GULP1: variants seen among roughly 807,000 people sequenced by gnomAD.
GULP1 encodes GULP PTB domain containing engulfment adaptor 1.
A neutral mutation model predicts 40.9 loss-of-function variants in GULP1; 19 were observed. The observed-to-expected ratio is 0.46, with a 90% CI of 0.32 to 0.68. GULP1 has a LOEUF of 0.68. Ranked by LOEUF, GULP1 falls within the 30% of genes least tolerant of loss-of-function variation. GULP1 has a pLI of 0.03. For missense variants in GULP1, 312 were observed against 362.2 expected (o/e 0.86, Z 1.12); for synonymous variants, 119 against 117.6 (o/e 1.01, Z -0.08).
chr2:188,536,781 A>C (rs1689050528), intron 6 of GULP1, among the ~76,000 whole-genome samples: 1 of 152,144 alleles, frequency 6.6e-6, no homozygotes, highest in Non-Finnish European at 1.5e-5. Flanking sequence ...CAATATGGTC[A>C]TTTTAACAGT....
chr2:188,424,263 A>G (rs1468137701), intron 2 of GULP1, among the ~76,000 whole-genome samples: 1 of 151,886 alleles, frequency 6.6e-6, no homozygotes, highest in Non-Finnish European at 1.5e-5. Flanking sequence ...CAAAAATCTC[A>G]TCAAAATTAC....
chr2:188,514,311 A>G (rs1248208330), intron 4 of GULP1, among the ~76,000 whole-genome samples: 1 of 152,096 alleles, frequency 6.6e-6, no homozygotes, highest in Non-Finnish European at 1.5e-5. Flanking sequence ...TATTTTTGTG[A>G]CCAGAAATAT....
At chr2:188,483,620 T>A (rs1157826327) in intron 4 of GULP1, 128 bp downstream of exon 4, 1 of 422,974 alleles carries the variant, frequency 2.4e-6, no homozygotes, top group Non-Finnish European at 4.3e-6. Flanking sequence ...TTTACATAAA[T>A]AAAATAATTG....
chr2:188,376,658 A>G (rs1428096582), intron 1 of GULP1, among the ~76,000 whole-genome samples: 6 of 152,240 alleles, frequency 3.9e-5, no homozygotes, highest in Admixed American at 2.6e-4. Flanking sequence ...CTTGCAGTTA[A>G]AGAAGTACAC....
intron 5 of GULP1, among the ~76,000 whole-genome samples, chr2:188,528,094 G>A (rs763045662): frequency 6.6e-6 from 1 of 152,076 alleles, no homozygotes; most frequent in Non-Finnish European, 1.5e-5. Context: ...GAAAAAGTTG[G>A]ATGCTGGGGT....
intron 2 of GULP1, among the ~76,000 whole-genome samples, chr2:188,432,990 G>T (rs2057039431): frequency 6.6e-6 from 1 of 152,100 alleles, no homozygotes; most frequent in Non-Finnish European, 1.5e-5. Context: ...AAATGTAAAA[G>T]ATTGGGTCCA....
chr2:188,409,784 T>A (rs4278900), intron 2 of GULP1, among the ~76,000 whole-genome samples: 117,249 of 152,092 alleles, frequency 0.77, 46,022 homozygotes, highest in East Asian at 0.95. Context: ...ATTTGTTTGG[T>A]ATTCAAGGAT....
At chr2:188,306,809 C>T (rs1169825122) in intron 1 of GULP1, among the ~76,000 whole-genome samples, 1 of 152,140 alleles carries the variant, frequency 6.6e-6, no homozygotes, top group Non-Finnish European at 1.5e-5. Flanking sequence ...TTAGAAAGAG[C>T]TGAGTTGATG....
intron 2 of GULP1, among the ~76,000 whole-genome samples, chr2:188,463,935 GT>G (rs2059915997): frequency 6.6e-6 from 1 of 151,792 alleles, no homozygotes; most frequent in South Asian, 2.1e-4. Context: ...ATGTCTTTAA[GT>G]TTTTTTCATT....
At chr2:188,567,604 CAG>C (rs1698045183) in intron 7 of GULP1, among the ~76,000 whole-genome samples, 1 of 151,996 alleles carries the variant, frequency 6.6e-6, no homozygotes, top group African/African-American at 2.4e-5. Context: ...CACATGGACA[CAG>C]AGAGGGGAAC....
At chr2:188,316,059 G>A (rs1161073891) in intron 1 of GULP1, among the ~76,000 whole-genome samples, 5 of 152,050 alleles carry the variant, frequency 3.3e-5, no homozygotes, top group East Asian at 1.9e-4. Flanking sequence ...AGGGTAAAAC[G>A]TGGAAGAAAA....
intron 2 of GULP1, among the ~76,000 whole-genome samples, chr2:188,406,653 G>A (rs946144941): frequency 3.3e-5 from 5 of 151,924 alleles, no homozygotes; most frequent in South Asian, 4.1e-4. Context: ...TAGGTTATTC[G>A]AAAATATACA....
intron 2 of GULP1, among the ~76,000 whole-genome samples, chr2:188,446,022 G>A (rs939697553): frequency 6.6e-6 from 1 of 152,052 alleles, no homozygotes; most frequent in Non-Finnish European, 1.5e-5. Flanking sequence ...CATTCCTCTA[G>A]CCTTTCTTGT....
chr2:188,355,728 T>G (rs1327974141), intron 1 of GULP1, among the ~76,000 whole-genome samples: 4 of 151,978 alleles, frequency 2.6e-5, no homozygotes, highest in African/African-American at 9.7e-5. Context: ...AAAAGAAAAC[T>G]ATAGGCCAAT....
chr2:188,418,272 A>AT (rs112174594), intron 2 of GULP1, among the ~76,000 whole-genome samples: 8 of 151,994 alleles, frequency 5.3e-5, no homozygotes, highest in Admixed American at 2.6e-4. Flanking sequence ...TTACGGTTTA[A>AT]TTTTTTTTCA....
intron 2 of GULP1, among the ~76,000 whole-genome samples, chr2:188,423,634 G>A (rs1454705077): frequency 2.0e-5 from 3 of 151,682 alleles, no homozygotes; most frequent in East Asian, 3.9e-4. Context: ...CTGCTAATCA[G>A]TATTTTCTAG....
chr2:188,428,247 A>T (rs937404224), intron 2 of GULP1, among the ~76,000 whole-genome samples: 1 of 152,082 alleles, frequency 6.6e-6, no homozygotes, highest in African/African-American at 2.4e-5. Flanking sequence ...GGCAGAAGGG[A>T]TTTATCTTGT....
chr2:188,445,510 G>T (rs1377665481), intron 2 of GULP1, among the ~76,000 whole-genome samples: 1 of 152,020 alleles, frequency 6.6e-6, no homozygotes, highest in Non-Finnish European at 1.5e-5. Flanking sequence ...AATACATAGG[G>T]TTAACAATGG....
chr2:188,567,644 G>A (rs2153427258), intron 7 of GULP1, among the ~76,000 whole-genome samples: 1 of 152,198 alleles, frequency 6.6e-6, no homozygotes, highest in South Asian at 2.1e-4. Flanking sequence ...ATTAGGGGGT[G>A]GGAGGCGAGG....
Sources: allele counts gnomAD v4.1 joint callset (sites outside exome capture counted in the v4.1 genomes callset), GRCh38; gene constraint gnomAD v4.1.1; transcripts MANE v1.5; gene names NCBI Gene and HGNC (gene_info 2026-07-23, HGNC 2026-07-21).